Variants in SPOCK3 observed in about 807,000 individuals in gnomAD.
The protein encoded by SPOCK3 is SPARC (osteonectin), cwcv and kazal like domains proteoglycan 3, also known as testican-3.
SPOCK3 carries 30 observed loss-of-function variants against 56.6 expected under a neutral mutation model. The observed-to-expected ratio is 0.53, with a 90% confidence interval of 0.40 to 0.72. The LOEUF (loss-of-function observed/expected upper bound fraction) is 0.72. SPOCK3 is among the 30% of genes least tolerant of loss of function. The pLI is 0.00. For synonymous variants in SPOCK3, 196 were observed against 183.3 expected (o/e 1.07, Z -0.56); for missense variants, 527 against 530.0 (o/e 0.99, Z 0.06).
intron 8 of SPOCK3, 32 bp from the exon 9 acceptor site, chr4:166,742,091 A>T (rs751742225): frequency 6.6e-7 from 1 of 1,508,500 alleles, no homozygotes. Flanking sequence ...TACTTCAAGG[A>T]TTCTAGTTAA....
intron 9 of SPOCK3, among the ~76,000 whole-genome samples, chr4:166,740,891 C>T (rs1315484231): frequency 1.3e-5 from 2 of 152,106 alleles, no homozygotes; most frequent in Non-Finnish European, 2.9e-5. Context: ...TCAAAAGAAA[C>T]ATGACACATT....
At chr4:166,931,067 C>A (rs1222822428) in intron 4 of SPOCK3, among the ~76,000 whole-genome samples, 1 of 152,116 alleles carries the variant, frequency 6.6e-6, no homozygotes, top group Non-Finnish European at 1.5e-5. Flanking sequence ...CTGCAACCTC[C>A]ACTTACCAGG....
intron 4 of SPOCK3, among the ~76,000 whole-genome samples, chr4:166,944,676 G>A (rs1176818034): frequency 6.6e-6 from 1 of 152,058 alleles, no homozygotes; most frequent in Non-Finnish European, 1.5e-5. Flanking sequence ...AACTTTGGCA[G>A]GAGTATCACA....
intron 2 of SPOCK3, among the ~76,000 whole-genome samples, chr4:167,133,586 G>A (rs1019611660): frequency 1.3e-5 from 2 of 152,206 alleles, no homozygotes; most frequent in Non-Finnish European, 2.9e-5. Context: ...GATAGCTGGG[G>A]CTGCCTAACA....
chr4:166,939,744 G>A (rs957099408), intron 4 of SPOCK3, among the ~76,000 whole-genome samples: 3 of 152,184 alleles, frequency 2.0e-5, no homozygotes, highest in Admixed American at 6.6e-5. Context: ...TTCGAAACCA[G>A]AGTCTTGATC....
chr4:166,777,118 G>C (rs908199533), intron 7 of SPOCK3, among the ~76,000 whole-genome samples: 10 of 152,046 alleles, frequency 6.6e-5, no homozygotes, highest in African/African-American at 2.4e-4. Flanking sequence ...AACACAGGAA[G>C]AATTAAATGA....
At chr4:167,196,964 G>A (rs1168344048) in intron 2 of SPOCK3, among the ~76,000 whole-genome samples, 1 of 152,078 alleles carries the variant, frequency 6.6e-6, no homozygotes, top group Non-Finnish European at 1.5e-5. Flanking sequence ...TATAACAGAA[G>A]CTAATCATGG....
At chr4:167,067,610 T>C (rs1318101733) in intron 2 of SPOCK3, among the ~76,000 whole-genome samples, 1 of 151,814 alleles carries the variant, frequency 6.6e-6, no homozygotes, top group Non-Finnish European at 1.5e-5. Flanking sequence ...TTACCTGAAG[T>C]CTGATGTCAA....
chr4:166,897,223 T>A (rs1393293370), intron 5 of SPOCK3, among the ~76,000 whole-genome samples: 1 of 152,172 alleles, frequency 6.6e-6, no homozygotes, highest in Non-Finnish European at 1.5e-5. Context: ...GTTTGTCTAA[T>A]ATTAATAGAA....
At chr4:167,192,051 CCATT>C (rs1732512441) in intron 2 of SPOCK3, among the ~76,000 whole-genome samples, 1 of 145,526 alleles carries the variant, frequency 6.9e-6, no homozygotes, top group South Asian at 2.1e-4. Flanking sequence ...TTGATTTTTA[CCATT>C]CATTCTGTTA....
intron 6 of SPOCK3, among the ~76,000 whole-genome samples, chr4:166,860,756 T>A (rs1203249016): frequency 4.5e-5 from 5 of 111,272 alleles, no homozygotes; most frequent in Non-Finnish European, 7.0e-5. Context: ...ACTACATTCC[T>A]CACTCAGAAC....
intron 2 of SPOCK3, among the ~76,000 whole-genome samples, chr4:167,090,991 T>G (rs904984517): frequency 1.3e-5 from 2 of 152,128 alleles, no homozygotes; most frequent in African/African-American, 4.8e-5. Flanking sequence ...TAACAAGTAA[T>G]CAAAATGATC....
chr4:166,856,150 A>G (rs189382576), intron 6 of SPOCK3, among the ~76,000 whole-genome samples: 1 of 148,060 alleles, frequency 6.8e-6, no homozygotes, highest in African/African-American at 2.5e-5. Context: ...GGTGGTTACC[A>G]GAGACTGAGG....
intron 1 of SPOCK3, 75 bp downstream of exon 1, chr4:167,234,375 G>A: frequency 1.6e-6 from 1 of 609,498 alleles, no homozygotes; most frequent in Non-Finnish European, 2.9e-6. Context: ...CCCAGAGGAG[G>A]AGAGGTGGGT....
rs149973026 is a variant in SPOCK3, at chr4:167,161,428, C to T, written c.189+72557G>A. ...AGGATGTGGAGAAATAAGAACACTT[C>T]GACACTGTTGGTGGGACTGTAAACT... On this transcript the variant is annotated intron_variant, in intron 2 of 10. Transcript: ENST00000357545. Among the ~76,000 whole-genome samples, 1,354 of 152,112 alleles carry T rather than the reference C, an allele frequency of 8.9e-3. 15 individuals carry two copies. The highest frequency in any genetic ancestry group is 0.029 in the African/African-American group (1,214 of 41,486).
intron 3 of SPOCK3, among the ~76,000 whole-genome samples, chr4:167,005,178 A>G (rs1331521503): frequency 6.6e-6 from 1 of 152,086 alleles, no homozygotes; most frequent in African/African-American, 2.4e-5. Context: ...ACATACTGAG[A>G]ACAGAATAAT....
At chr4:166,904,013 A>G (rs1171306042) in intron 5 of SPOCK3, among the ~76,000 whole-genome samples, 1 of 152,064 alleles carries the variant, frequency 6.6e-6, no homozygotes, top group Non-Finnish European at 1.5e-5. Context: ...AATAATTGTC[A>G]TATTAATTTT....
At chr4:167,094,331 T>A (rs1758958030) in intron 2 of SPOCK3, among the ~76,000 whole-genome samples, 1 of 152,130 alleles carries the variant, frequency 6.6e-6, no homozygotes, top group African/African-American at 2.4e-5. Context: ...TTAATAAATT[T>A]ACACATACAC....
intron 3 of SPOCK3, among the ~76,000 whole-genome samples, chr4:167,035,272 A>G (rs922088617): frequency 2.6e-5 from 4 of 152,104 alleles, no homozygotes; most frequent in Non-Finnish European, 5.9e-5. Flanking sequence ...TGCTGTCGTG[A>G]GTTTTGCTGT....
Sources: gnomAD v4.1 joint callset for allele counts (sites outside exome capture counted in the v4.1 genomes callset) on GRCh38, gnomAD v4.1.1 for gene constraint, MANE v1.5 for transcripts, NCBI Gene and HGNC (gene_info 2026-07-23, HGNC 2026-07-21) for gene names.